The following RAD51B variants were observed in gnomAD, a reference collection of about 807,000 sequenced individuals.
RAD51B encodes DNA repair protein RAD51 homolog 2.
A neutral mutation model predicts 42.2 loss-of-function variants in RAD51B; 38 were observed. The ratio of observed to expected loss-of-function variants is 0.90; its 90% confidence interval spans 0.70 to 1.18. The LOEUF (loss-of-function observed/expected upper bound fraction) is 1.18, where lower values mean the gene tolerates loss of function less well. Among genes scored for constraint, RAD51B ranks in the 50% most tolerant of loss-of-function variants. RAD51B has a pLI of 0.00. For synonymous variants in RAD51B, 154 were observed against 145.2 expected (o/e 1.06, Z -0.43); for missense variants, 373 against 400.7 (o/e 0.93, Z 0.59).
intron 7 of RAD51B, among the ~76,000 whole-genome samples, chr14:68,059,103 C>A (rs930503238): frequency 7.9e-5 from 12 of 152,162 alleles, no homozygotes; most frequent in African/African-American, 2.9e-4. Context: ...CCAAATCAGT[C>A]CCTTTCTTTT....
chr14:68,357,219 A>G (rs2082928394), intron 8 of RAD51B, among the ~76,000 whole-genome samples: 1 of 152,208 alleles, frequency 6.6e-6, no homozygotes, highest in Non-Finnish European at 1.5e-5. Context: ...TCACCAGTAG[A>G]TTCCATCTCA....
intron 4 of RAD51B, among the ~76,000 whole-genome samples, chr14:67,847,873 G>T (rs752633883): frequency 6.7e-5 from 9 of 133,558 alleles, no homozygotes; most frequent in Non-Finnish European, 1.3e-4. Flanking sequence ...GTCACTGTCA[G>T]TGGGGTGTTG....
chr14:67,885,840 T>A, intron 5 of RAD51B, 29 bp from the exon 6 acceptor site: 1 of 1,571,000 alleles, frequency 6.4e-7, no homozygotes, highest in Non-Finnish European at 8.7e-7. Flanking sequence ...ATTGACTGTT[T>A]TCGTTTGTGC....
chr14:68,321,736 T>C (rs1461019722), intron 8 of RAD51B, among the ~76,000 whole-genome samples: 1 of 152,220 alleles, frequency 6.6e-6, no homozygotes, highest in East Asian at 1.9e-4. Context: ...AGTTAATTTT[T>C]AAATTTTTTA....
intron 7 of RAD51B, among the ~76,000 whole-genome samples, chr14:68,272,740 C>G (rs1362118908): frequency 8.6e-6 from 1 of 116,430 alleles, no homozygotes; most frequent in African/African-American, 3.4e-5. Flanking sequence ...GGCTATAGTG[C>G]AGTGGCGTGA....
At chr14:68,443,111 C>T (rs1379990928) in intron 9 of RAD51B, among the ~76,000 whole-genome samples, 1 of 152,124 alleles carries the variant, frequency 6.6e-6, no homozygotes, top group Admixed American at 6.6e-5. Flanking sequence ...AGTGAAAGGA[C>T]TGAAAAATAA....
intron 7 of RAD51B, among the ~76,000 whole-genome samples, chr14:68,056,374 C>G (rs368534185): frequency 6.6e-6 from 1 of 152,002 alleles, no homozygotes; most frequent in South Asian, 2.1e-4. Flanking sequence ...GTCTCTAACT[C>G]CTGAGCTCAG....
chr14:68,561,901 G>A, intron 10 of RAD51B: 1 of 944,606 alleles, frequency 1.1e-6, no homozygotes, highest in African/African-American at 1.8e-5. Flanking sequence ...CTTCCATGCA[G>A]AGGGCGAGTG....
chr14:67,888,034 G>A (rs2043113742), intron 7 of RAD51B, among the ~76,000 whole-genome samples: 2 of 152,070 alleles, frequency 1.3e-5, no homozygotes, highest in African/African-American at 4.8e-5. Context: ...TTTTAGATTT[G>A]TTTTTGGAAA....
intron 9 of RAD51B, among the ~76,000 whole-genome samples, chr14:68,459,131 C>G (rs1953326535): frequency 6.6e-6 from 1 of 152,218 alleles, no homozygotes; most frequent in Non-Finnish European, 1.5e-5. Flanking sequence ...ACTTCAAGCT[C>G]CCCTGATCCT....
intron 7 of RAD51B, among the ~76,000 whole-genome samples, chr14:67,990,859 A>G (rs1306921091): frequency 3.3e-5 from 5 of 152,242 alleles, no homozygotes; most frequent in Admixed American, 3.3e-4. Context: ...CTACATATCA[A>G]GCTACCCTTT....
intron 7 of RAD51B, among the ~76,000 whole-genome samples, chr14:67,999,026 T>C (rs2075433869): frequency 6.6e-6 from 1 of 151,848 alleles, no homozygotes; most frequent in Admixed American, 6.6e-5. Context: ...CACCCTAACT[T>C]AGTAAGACCT....
At chr14:67,849,357 C>T (rs188617181) in intron 4 of RAD51B, among the ~76,000 whole-genome samples, 201 of 152,298 alleles carry the variant, frequency 1.3e-3, no homozygotes, top group African/African-American at 4.5e-3. Context: ...ACTCGACTCA[C>T]TGCAACCTTC....
intron 10 of RAD51B, among the ~76,000 whole-genome samples, chr14:68,647,175 A>AT (rs1275893119): frequency 3.3e-5 from 5 of 152,140 alleles, no homozygotes; most frequent in South Asian, 2.1e-4. Flanking sequence ...TCACCTGTTG[A>AT]TTTTTTTCAT....
intron 7 of RAD51B, among the ~76,000 whole-genome samples, chr14:68,240,683 C>T (rs749399607): frequency 1.8e-4 from 27 of 152,210 alleles, no homozygotes; most frequent in Non-Finnish European, 4.0e-4. Flanking sequence ...CCAACTCACT[C>T]ATAGGTAATG....
chr14:68,437,391 A>G (rs1458776295), intron 9 of RAD51B, among the ~76,000 whole-genome samples: 2 of 152,142 alleles, frequency 1.3e-5, no homozygotes, highest in Non-Finnish European at 2.9e-5. Context: ...TTTTTTATGT[A>G]CTACTGGATT....
chr14:68,155,693 T>C (rs932690694), intron 7 of RAD51B, among the ~76,000 whole-genome samples: 1 of 152,076 alleles, frequency 6.6e-6, no homozygotes, highest in Non-Finnish European at 1.5e-5. Context: ...TGCGATAGGG[T>C]AGTTACTGCT....
chr14:67,983,797 A>T (rs983699821), intron 7 of RAD51B, among the ~76,000 whole-genome samples: 2 of 152,004 alleles, frequency 1.3e-5, no homozygotes, highest in Non-Finnish European at 2.9e-5. Context: ...TTGAAATAAT[A>T]ATGGCAAATA....
At chr14:68,190,465 T>C (rs1034598925) in intron 7 of RAD51B, among the ~76,000 whole-genome samples, 1 of 152,206 alleles carries the variant, frequency 6.6e-6, no homozygotes, top group Non-Finnish European at 1.5e-5. Flanking sequence ...AAAAAACATG[T>C]CCACCAAATG....
Sources: allele counts gnomAD v4.1 joint callset (sites outside exome capture counted in the v4.1 genomes callset), GRCh38; gene constraint gnomAD v4.1.1; transcripts MANE v1.5; gene names NCBI Gene and HGNC (gene_info 2026-07-23, HGNC 2026-07-21).